ABR: variants seen among roughly 807,000 people sequenced by gnomAD.
ABR encodes the protein active breakpoint cluster region-related protein.
ABR carries 35 observed loss-of-function variants against 107.2 expected under a neutral mutation model. That is an observed-to-expected ratio of 0.33 (90% CI 0.25 to 0.43). The LOEUF (loss-of-function observed/expected upper bound fraction) is 0.43, where lower values mean the gene tolerates loss of function less well. Among genes scored for constraint, ABR ranks in the 20% least tolerant of loss-of-function variants. The pLI is 1.00. For synonymous variants in ABR, 498 were observed against 462.0 expected (o/e 1.08, Z -1.00); for missense variants, 815 against 1,115.2 (o/e 0.73, Z 3.83).
chr17:1,145,576 C>T (rs1311323564), intron 1 of ABR, among the ~76,000 whole-genome samples: 3 of 152,340 alleles, frequency 2.0e-5, no homozygotes, highest in Middle Eastern at 3.4e-3. Context: ...CTCGGAGCCC[C>T]CCTCCCATCT....
At chr17:1,215,449 C>G (rs867349473) in intron 1 of ABR, among the ~76,000 whole-genome samples, 11 of 152,170 alleles carry the variant, frequency 7.2e-5, no homozygotes, top group Non-Finnish European at 1.0e-4. Flanking sequence ...CTGTGTTGGC[C>G]GGGCTGGTCT....
At chr17:1,035,970 G>T (rs2073155530) in intron 16 of ABR, among the ~76,000 whole-genome samples, 1 of 152,000 alleles carries the variant, frequency 6.6e-6, no homozygotes, top group African/African-American at 2.4e-5. Context: ...GTGCGAGCGG[G>T]AGGGGCAAAG....
At chr17:1,086,563 C>T (rs188742485) in intron 4 of ABR, among the ~76,000 whole-genome samples, 29 of 151,660 alleles carry the variant, frequency 1.9e-4, no homozygotes, top group Admixed American at 1.4e-3. Context: ...TGCACTGGCA[C>T]GATCTTGGCT....
At chr17:1,025,139 T>A (rs769855413) in intron 16 of ABR, among the ~76,000 whole-genome samples, 1,345 of 40,098 alleles carry the variant, frequency 0.034, no homozygotes, top group Non-Finnish European at 0.042. Flanking sequence ...AAAAAAAAAA[T>A]ACAAAACTTG....
intron 16 of ABR, chr17:1,031,457 G>T: frequency 1.7e-6 from 1 of 572,320 alleles, no homozygotes; most frequent in Non-Finnish European, 2.6e-6. Flanking sequence ...AGAGGGACGC[G>T]CACAGACCCC....
At chr17:1,061,691 C>A (rs2033948134) in intron 10 of ABR, among the ~76,000 whole-genome samples, 1 of 152,050 alleles carries the variant, frequency 6.6e-6, no homozygotes, top group Admixed American at 6.6e-5. Context: ...GGATTACAGG[C>A]ACCCACCACC....
At chr17:1,165,309 T>G (rs2041462259) in intron 1 of ABR, among the ~76,000 whole-genome samples, 1 of 152,180 alleles carries the variant, frequency 6.6e-6, no homozygotes, top group Non-Finnish European at 1.5e-5. Context: ...AGGGAGCTCC[T>G]CACAAGCCAG....
upstream of ABR, among the ~76,000 whole-genome samples, chr17:1,182,782 G>A (rs111909849): frequency 2.6e-5 from 4 of 152,256 alleles, no homozygotes; most frequent in Non-Finnish European, 5.9e-5. Context: ...ACCACCCTCT[G>A]GGAAACCCTG....
chr17:1,031,565 C>T (rs1703667891), intron 16 of ABR: 2 of 1,130,760 alleles, frequency 1.8e-6, no homozygotes, highest in Non-Finnish European at 2.2e-6. Flanking sequence ...CCCCGAGCCC[C>T]CACCCCCCGG....
intron 2 of ABR, among the ~76,000 whole-genome samples, chr17:1,104,434 C>T (rs762703996): frequency 1.5e-4 from 23 of 152,198 alleles, no homozygotes; most frequent in Non-Finnish European, 2.6e-4. Flanking sequence ...TCCAAGACAA[C>T]AAGCAGGGCT....
At position 1,150,465 on chromosome 17, in the gene ABR, G is replaced by A. The variant is rs147808181; in HGVS notation, c.62-25098C>T. ...GATTCGTCCAGACACAAAGAGGAGG[G>A]TGGTGGCCAGGAGCTGCAAGCAGCG... On this transcript the variant is annotated intron_variant, in intron 1 of 22. Transcript: ENST00000302538. The surrounding 1 kb of genome is among the most constrained non-coding windows in gnomAD (Gnocchi z 4.8). 2.5e-3 allele frequency among the ~76,000 whole-genome samples: 382 copies of A among 152,304 alleles called. 3 individuals carry two copies. The highest frequency in any genetic ancestry group is 4.5e-3 in the Non-Finnish European group (303 of 68,032).
chr17:1,073,246 C>G (rs1220389396), intron 7 of ABR, among the ~76,000 whole-genome samples: 1 of 151,730 alleles, frequency 6.6e-6, no homozygotes, highest in Admixed American at 6.6e-5. Context: ...GCTGCCCCCT[C>G]TTCTCCTGGC....
chr17:1,047,872 G>T (rs1006651371), intron 16 of ABR, among the ~76,000 whole-genome samples: 1 of 152,208 alleles, frequency 6.6e-6, no homozygotes, highest in East Asian at 1.9e-4. Flanking sequence ...CCAGGTGGGG[G>T]AATGTGCCCT....
intron 2 of ABR, among the ~76,000 whole-genome samples, chr17:1,114,822 A>G (rs961444351): frequency 3.9e-5 from 6 of 152,068 alleles, no homozygotes; most frequent in African/African-American, 1.4e-4. Context: ...GGGAACAGAC[A>G]GGAGAGAGAC....
chr17:1,065,742 C>CTTTT (rs56388222), intron 10 of ABR, among the ~76,000 whole-genome samples: 64 of 116,334 alleles, frequency 5.5e-4, no homozygotes, highest in East Asian at 2.1e-3. Context: ...CAAACCAATG[C>CTTTT]TTTTTTTTTT....
At chr17:1,163,847 G>A (rs111777829) in intron 1 of ABR, among the ~76,000 whole-genome samples, 10 of 4,420 alleles carry the variant, frequency 2.3e-3, no homozygotes, top group African/African-American at 0.014. Context: ...GCATCTAGGT[G>A]GGACCCTGGC....
chr17:1,100,822 C>A (rs375885122), intron 2 of ABR, 87 bp from the exon 3 acceptor site: 6 of 1,279,322 alleles, frequency 4.7e-6, no homozygotes, highest in Admixed American at 1.8e-5. Context: ...CCCTTCCCCC[C>A]CGACCTTTAT....
chr17:1,093,668 A>T (rs1329911719), intron 3 of ABR, among the ~76,000 whole-genome samples: 1 of 152,072 alleles, frequency 6.6e-6, no homozygotes, highest in Non-Finnish European at 1.5e-5. Flanking sequence ...GGGAACACCA[A>T]AGCCAGCGCC....
At chr17:1,029,312 C>CA (rs1376904874) in intron 16 of ABR, among the ~76,000 whole-genome samples, 10 of 149,742 alleles carry the variant, frequency 6.7e-5, no homozygotes, top group Admixed American at 3.3e-4. Context: ...ACCACAGGGA[C>CA]CCCCGCTGGT....
Sources: allele counts gnomAD v4.1 joint callset (sites outside exome capture counted in the v4.1 genomes callset), GRCh38; gene constraint gnomAD v4.1.1; non-coding constraint Gnocchi (gnomAD v3.1); transcripts MANE v1.5; gene names NCBI Gene and HGNC (gene_info 2026-07-23, HGNC 2026-07-21).